POC1B: variants seen among roughly 807,000 people sequenced by gnomAD.
POC1B encodes POC1 centriolar protein homolog B.
Under a neutral mutation model 60.6 loss-of-function variants are expected in POC1B, and 44 were observed. The observed-to-expected ratio is 0.73, with a 90% confidence interval of 0.57 to 0.93. POC1B has a LOEUF of 0.93. Among genes scored for constraint, POC1B ranks in the 40% least tolerant of loss-of-function variants. POC1B has a pLI of 0.00. For synonymous variants in POC1B, 180 were observed against 198.9 expected, an observed-to-expected ratio of 0.90 and a Z score of 0.80; for missense variants, 555 against 572.3, an observed-to-expected ratio of 0.97 and a Z score of 0.31.
intron 4 of POC1B, among the ~76,000 whole-genome samples, chr12:89,477,685 T>C (rs184799721): frequency 5.3e-5 from 8 of 152,312 alleles, no homozygotes; most frequent in Non-Finnish European, 1.0e-4. Context: ...CAATTGACCC[T>C]GTTGTCTTCC....
chr12:89,412,191 C>G, the POC1B span, among the ~76,000 whole-genome samples: 1 of 152,186 alleles, frequency 6.6e-6, no homozygotes, highest in Admixed American at 6.5e-5. Flanking sequence ...CCCTCCGTAT[C>G]TGGCATCGAG....
the POC1B span, among the ~76,000 whole-genome samples, chr12:89,401,733 C>G: frequency 6.6e-6 from 1 of 152,180 alleles, no homozygotes; most frequent in African/African-American, 2.4e-5. Flanking sequence ...GATGGGTCCT[C>G]ACAAAGTCCT....
intron 3 of POC1B, among the ~76,000 whole-genome samples, chr12:89,496,140 T>C (rs186512484): frequency 2.5e-4 from 38 of 151,978 alleles, no homozygotes; most frequent in Non-Finnish European, 4.7e-4. Context: ...AACTAGATGG[T>C]CCCATCTGGG....
At chr12:89,523,188 C>G (rs372635919) in intron 2 of POC1B, 3 of 1,613,812 alleles carry the variant, frequency 1.9e-6, no homozygotes, top group South Asian at 1.1e-5. Context: ...AACATTCAGA[C>G]GAGATCCCTC....
the POC1B span, among the ~76,000 whole-genome samples, chr12:89,403,153 G>A: frequency 2.6e-5 from 4 of 151,226 alleles, no homozygotes; most frequent in Non-Finnish European, 4.4e-5. Context: ...CATTACAGAC[G>A]CCCGCCACCA....
chr12:89,500,241 AT>A (rs1317557525), intron 2 of POC1B: 7 of 1,568,400 alleles, frequency 4.5e-6, no homozygotes, highest in Non-Finnish European at 5.2e-6. Flanking sequence ...CTTGCCAATG[AT>A]TTTAGCACAA....
In POC1B at chr12:89,491,666, G is replaced by A. The variant is rs905687752; in HGVS notation, c.452+270C>T. 2.7e-5 allele frequency among the ~76,000 whole-genome samples: 4 copies of A among 147,236 alleles called. 1 individual carries two copies. Among genetic ancestry groups the A allele is most frequent in the African/African-American group, 7.5e-5 (3 of 40,116 alleles). On this transcript the variant is annotated intron_variant, in intron 4 of 11. Transcript: ENST00000313546. ...AAAAAAAAAAAGAAAAAAAAATTAC[G>A]CGCCCCCTTCTAACCCAGCTCTTTC...
chr12:89,480,543 C>T (rs1397676561), intron 4 of POC1B, among the ~76,000 whole-genome samples: 1 of 151,136 alleles, frequency 6.6e-6, no homozygotes, highest in Non-Finnish European at 1.5e-5. Context: ...GTCTCAGCCT[C>T]CCGAGTAGCT....
At chr12:89,432,763 A>T (rs776971314) in intron 10 of POC1B, among the ~76,000 whole-genome samples, 16 of 152,236 alleles carry the variant, frequency 1.1e-4, no homozygotes, top group Non-Finnish European at 2.1e-4. Context: ...TTCAAGGGGA[A>T]CAGTCATTAA....
chr12:89,415,828 G>A (rs1192730079), downstream of POC1B, among the ~76,000 whole-genome samples: 2 of 152,108 alleles, frequency 1.3e-5, no homozygotes, highest in Non-Finnish European at 2.9e-5. Flanking sequence ...GTTAGAAAAT[G>A]GCATAGCCAG....
At chr12:89,496,720 A>G (rs554778039) in intron 3 of POC1B, among the ~76,000 whole-genome samples, 29 of 152,320 alleles carry the variant, frequency 1.9e-4, no homozygotes, top group Admixed American at 1.7e-3. Context: ...CTTTAACAAG[A>G]AAATTCTGGA....
the POC1B span, among the ~76,000 whole-genome samples, chr12:89,412,373 T>C: frequency 8.8e-6 from 1 of 114,184 alleles, no homozygotes; most frequent in Non-Finnish European, 2.0e-5. Context: ...TTTTTTTTTG[T>C]AGTTTTCAAA....
At chr12:89,510,821 A>G (rs2135757821) in intron 2 of POC1B, among the ~76,000 whole-genome samples, 1 of 146,602 alleles carries the variant, frequency 6.8e-6, no homozygotes, top group East Asian at 2.1e-4. Flanking sequence ...ACAGTGGCAC[A>G]ATCTCAGCTC....
chr12:89,442,516 G>A (rs1198108139), intron 10 of POC1B, among the ~76,000 whole-genome samples: 1 of 152,158 alleles, frequency 6.6e-6, no homozygotes, highest in Non-Finnish European at 1.5e-5. Flanking sequence ...AGCTTCATAA[G>A]TGAAGGAAAA....
rs56654469 is a variant in POC1B, at chr12:89,510,763, C to CTTT, written c.101-13424_101-13422dup. ...CTGGAGGAAGAAATATGTTTTTATT[C>CTTT]TTTTTTTTTTTTGATATGGAGTCTC... On this transcript the variant is annotated intron_variant, in intron 2 of 11. Coordinates refer to ENST00000313546, the MANE Select transcript of POC1B (RefSeq NM_172240.3). Among the ~76,000 whole-genome samples, 1,241 of 139,048 alleles carry CTTT rather than the reference C, an allele frequency of 8.9e-3. 35 individuals are homozygous for CTTT. Among genetic ancestry groups the CTTT allele is most frequent in the Admixed American group, 0.012 (161 of 13,836 alleles). 91.2% of individuals were successfully genotyped at this position (139,048 alleles called of 152,430 possible).
At chr12:89,427,404 C>T (rs1335442885) in intron 10 of POC1B, 1 of 152,058 alleles carries the variant, frequency 6.6e-6, no homozygotes, top group Non-Finnish European at 1.5e-5. Flanking sequence ...CAAAATGGAT[C>T]ATAAAGGGCA....
chr12:89,450,992 T>C (rs1391579091), intron 10 of POC1B, among the ~76,000 whole-genome samples: 1 of 152,214 alleles, frequency 6.6e-6, no homozygotes. Context: ...ATATTAAATG[T>C]ATGAAACTAG....
intron 9 of POC1B, 181 bp from the exon 10 acceptor site, chr12:89,459,899 T>A (rs991756785): frequency 1.6e-5 from 8 of 490,910 alleles, no homozygotes; most frequent in African/African-American, 7.8e-5. Context: ...TATCAACGTA[T>A]AAGAAAAGAT....
intron 2 of POC1B, chr12:89,501,644 CTTCAACTG>C (rs1167702874): frequency 8.5e-7 from 1 of 1,175,144 alleles, no homozygotes; most frequent in African/African-American, 1.5e-5. Context: ...GAAGAAGTGA[CTTCAACTG>C]TCACGAGAAG....
Sources: allele counts gnomAD v4.1 joint callset (sites outside exome capture counted in the v4.1 genomes callset), GRCh38; gene constraint gnomAD v4.1.1; transcripts MANE v1.5; gene names NCBI Gene and HGNC (gene_info 2026-07-23, HGNC 2026-07-21).